The following TUSC3 variants were observed in gnomAD, a reference collection of about 807,000 sequenced individuals.
TUSC3 encodes tumor suppressor candidate 3, also known as dolichyl-diphosphooligosaccharide--protein glycosyltransferase subunit TUSC3.
Under a neutral mutation model 44.8 loss-of-function variants are expected in TUSC3, and 45 were observed. The observed-to-expected ratio is 1.00, with a 90% CI of 0.79 to 1.29. The LOEUF (loss-of-function observed/expected upper bound fraction) is 1.29. Among genes scored for constraint, TUSC3 ranks in the 50% most tolerant of loss-of-function variants. The pLI is 0.00. For missense variants in TUSC3, 519 were observed against 437.9 expected (o/e 1.19, Z -1.65); for synonymous variants, 212 against 152.9 (o/e 1.39, Z -2.85).
intron 1 of TUSC3, among the ~76,000 whole-genome samples, chr8:15,478,045 C>T (rs1182371073): frequency 1.3e-5 from 2 of 152,064 alleles, no homozygotes; most frequent in Admixed American, 6.5e-5. Context: ...GCAAACTCTG[C>T]CTCCCAGGTT....
At chr8:15,739,911 A>G (rs1014261085) in intron 7 of TUSC3, among the ~76,000 whole-genome samples, 3 of 118,620 alleles carry the variant, frequency 2.5e-5, no homozygotes, top group Non-Finnish European at 3.6e-5. Flanking sequence ...TCTGGGCTTC[A>G]GTTTCCTTGT....
Position 15,549,865 on chromosome 8 carries a change from A to T in TUSC3, c.138+9297A>T, listed in dbSNP as rs373447114. On this transcript the variant is annotated intron_variant, in intron 1 of 10. Coordinates refer to ENST00000503731, the MANE Select transcript of TUSC3 (RefSeq NM_006765.4). Reference sequence around the variant, plus strand: ...GTAGCAGGACGAGCCGCAGACAAGAACCCCTCAGACACTGAATTGTAGAAG... The same window carrying T: ...GTAGCAGGACGAGCCGCAGACAAGATCCCCTCAGACACTGAATTGTAGAAG... Among the ~76,000 whole-genome samples the T allele has an allele frequency of 2.6e-5, 4 of 151,450 alleles. No homozygotes were observed. The East Asian group carries it at 5.9e-4, about 22-fold the overall frequency.
chr8:15,493,397 G>T (rs530768916), intron 2 of TUSC3, among the ~76,000 whole-genome samples: 87 of 152,114 alleles, frequency 5.7e-4, no homozygotes, highest in African/African-American at 2.1e-3. Context: ...AGTAGTTGGG[G>T]TTATACAGGC....
chr8:15,827,884 G>T, the TUSC3 span, among the ~76,000 whole-genome samples: 3 of 152,146 alleles, frequency 2.0e-5, no homozygotes, highest in East Asian at 5.8e-4. Flanking sequence ...ATATATGCAG[G>T]ACCCAAATTT....
chr8:15,432,638 A>G (rs1799885781), intron 1 of TUSC3, among the ~76,000 whole-genome samples: 1 of 152,246 alleles, frequency 6.6e-6, no homozygotes, highest in East Asian at 1.9e-4. Flanking sequence ...TCATGGTGGT[A>G]AGGTCAGGGA....
chr8:15,724,476 C>CA (rs1207336255), intron 6 of TUSC3, among the ~76,000 whole-genome samples: 1 of 152,142 alleles, frequency 6.6e-6, no homozygotes, highest in Admixed American at 6.6e-5. Flanking sequence ...AACAGCAAGG[C>CA]AACCCTTTGA....
chr8:15,616,851 C>G (rs117251997), intron 1 of TUSC3, among the ~76,000 whole-genome samples: 5 of 152,034 alleles, frequency 3.3e-5, no homozygotes, highest in African/African-American at 9.7e-5. Context: ...AGAAGCAGGT[C>G]GCCGCATGCC....
intron 7 of TUSC3, among the ~76,000 whole-genome samples, chr8:15,731,146 T>C (rs112037878): frequency 5.9e-5 from 9 of 152,080 alleles, no homozygotes; most frequent in African/African-American, 2.2e-4. Context: ...AGATTTAGAG[T>C]GGTTCAACAT....
intron 6 of TUSC3, among the ~76,000 whole-genome samples, chr8:15,686,050 G>T (rs533670601): frequency 2.0e-5 from 3 of 152,140 alleles, no homozygotes; most frequent in African/African-American, 7.2e-5. Context: ...GTGCTGCTTT[G>T]CAAGTTTATT....
At chr8:15,624,881 G>C (rs1033792001) in intron 2 of TUSC3, among the ~76,000 whole-genome samples, 1 of 151,954 alleles carries the variant, frequency 6.6e-6, no homozygotes, top group Non-Finnish European at 1.5e-5. Context: ...AGATCCCAAA[G>C]ATCTTCTCCT....
At chr8:15,555,525 G>T (rs1418593342) in intron 1 of TUSC3, among the ~76,000 whole-genome samples, 7 of 151,062 alleles carry the variant, frequency 4.6e-5, no homozygotes, top group African/African-American at 1.7e-4. Flanking sequence ...GAACTCTTGG[G>T]CTCAAGTGAT....
At chr8:15,658,961 CTTG>C (rs1807297704) in intron 3 of TUSC3, among the ~76,000 whole-genome samples, 1 of 151,990 alleles carries the variant, frequency 6.6e-6, no homozygotes, top group Non-Finnish European at 1.5e-5. Flanking sequence ...GTAAATTTAA[CTTG>C]TTAAGAGCAG....
At position 15,483,649 on chromosome 8, in the gene TUSC3, A is replaced by ATTTTTTTTTTTTT. The variant is rs60092911; in HGVS notation, n.189+178_189+190dup. On this transcript the variant is annotated intron_variant and non_coding_transcript_variant, in intron 2 of 5. Transcript: ENST00000503191. ...CCGTCGTGCCCAGCCTAGCACTGTG[A>ATTTTTTTTTTTTT]TTTTTTTTTTTTTTTTTTTTTTTTG... 1.6e-3 allele frequency among the ~76,000 whole-genome samples: 106 copies of ATTTTTTTTTTTTT among 66,156 alleles called. 6 individuals are homozygous for ATTTTTTTTTTTTT. Among genetic ancestry groups the ATTTTTTTTTTTTT allele is most frequent in the African/African-American group, 5.5e-3 (101 of 18,214 alleles). 43.4% of individuals were successfully genotyped at this position (66,156 alleles called of 152,430 possible). A position where few individuals can be genotyped will look rare whatever the true frequency, so the allele number is the denominator to read the frequency against.
intron 1 of TUSC3, among the ~76,000 whole-genome samples, chr8:15,577,144 C>G (rs1242758182): frequency 8.0e-5 from 12 of 149,434 alleles, no homozygotes; most frequent in Admixed American, 3.4e-4. Flanking sequence ...CCTTTGCCCA[C>G]TTTTTGATGG....
chr8:15,780,292 A>T, the TUSC3 span, among the ~76,000 whole-genome samples: 3 of 152,254 alleles, frequency 2.0e-5, no homozygotes, highest in African/African-American at 7.2e-5. Context: ...TGCACAATAC[A>T]GTTGGAAAGG....
chr8:15,661,830 C>A (rs1205905992), intron 4 of TUSC3, among the ~76,000 whole-genome samples: 1 of 151,580 alleles, frequency 6.6e-6, no homozygotes, highest in African/African-American at 2.4e-5. Flanking sequence ...ATGAGTCTTA[C>A]AACTTAAAAA....
the TUSC3 span, among the ~76,000 whole-genome samples, chr8:15,817,015 G>T: frequency 2.0e-5 from 3 of 152,164 alleles, no homozygotes; most frequent in Non-Finnish European, 2.9e-5. Flanking sequence ...TGAAGTTACT[G>T]ATTAGTAATT....
chr8:15,711,273 T>C (rs879715362), intron 6 of TUSC3, among the ~76,000 whole-genome samples: 2 of 151,868 alleles, frequency 1.3e-5, no homozygotes, highest in Admixed American at 1.3e-4. Flanking sequence ...CTCCCTTCTT[T>C]TGTAGGATTC....
chr8:15,568,275 T>G (rs1802748820), intron 1 of TUSC3, among the ~76,000 whole-genome samples: 1 of 152,180 alleles, frequency 6.6e-6, no homozygotes, highest in African/African-American at 2.4e-5. Flanking sequence ...CATAAAGATT[T>G]AAGCACTAGC....
Sources: allele counts gnomAD v4.1 joint callset (sites outside exome capture counted in the v4.1 genomes callset), GRCh38; gene constraint gnomAD v4.1.1; transcripts MANE v1.5; gene names NCBI Gene and HGNC (gene_info 2026-07-23, HGNC 2026-07-21).